Variants in CNTN4 observed in about 807,000 individuals in gnomAD.
The protein encoded by CNTN4 is contactin 4, also known as contactin-4.
A neutral mutation model predicts 122.5 loss-of-function variants in CNTN4; 77 were observed. The ratio of observed to expected loss-of-function variants is 0.63; its 90% confidence interval spans 0.52 to 0.76. CNTN4 has a LOEUF of 0.76. CNTN4 is among the 30% of genes least tolerant of loss of function. CNTN4 has a pLI of 0.00. For synonymous variants in CNTN4, 512 were observed against 447.0 expected, an observed-to-expected ratio of 1.15 and a Z score of -1.83; for missense variants, 1,256 against 1,259.1, an observed-to-expected ratio of 1.00 and a Z score of 0.04.
intron 6 of CNTN4, among the ~76,000 whole-genome samples, chr3:2,803,189 C>A (rs943244971): frequency 6.6e-6 from 1 of 152,038 alleles, no homozygotes; most frequent in African/African-American, 2.4e-5. Flanking sequence ...ATATGAAAAA[C>A]CAACTTTATT....
intron 6 of CNTN4, among the ~76,000 whole-genome samples, chr3:2,802,578 A>G (rs1234989267): frequency 6.6e-6 from 1 of 152,222 alleles, no homozygotes; most frequent in Non-Finnish European, 1.5e-5. Context: ...ATTATGTATT[A>G]AATACCATGT....
chr3:2,898,694 A>G (rs1323006567), intron 10 of CNTN4, among the ~76,000 whole-genome samples: 1 of 152,200 alleles, frequency 6.6e-6, no homozygotes, highest in Non-Finnish European at 1.5e-5. Flanking sequence ...CTTCAACTTG[A>G]CATTGCTTCA....
At chr3:2,482,619 G>T (rs2151596333) in intron 3 of CNTN4, among the ~76,000 whole-genome samples, 1 of 152,236 alleles carries the variant, frequency 6.6e-6, no homozygotes, top group African/African-American at 2.4e-5. Context: ...CCTTGAATGG[G>T]CCCAGGGAAC....
Position 2,515,153 on chromosome 3 carries a change from T to C in CNTN4, c.-88-56263T>C, listed in dbSNP as rs1043303812. Among the ~76,000 whole-genome samples the C allele has an allele frequency of 1.6e-4, 24 of 152,176 alleles. 1 individual carries two copies. The highest frequency in any genetic ancestry group is 2.6e-4 in the Admixed American group (4 of 15,266). On this transcript the variant is annotated intron_variant, in intron 3 of 24. Transcript: ENST00000418658. ...TTGAAGTATCAATGACTTACTGATA[T>C]ACTGCTCTGTTATATATTAGAATTA...
chr3:2,495,717 G>A (rs978681549), intron 3 of CNTN4, among the ~76,000 whole-genome samples: 1 of 152,170 alleles, frequency 6.6e-6, no homozygotes. Context: ...ACTAATGCCT[G>A]ATGACCTGAG....
At chr3:2,932,270 C>T (rs906357747) in intron 13 of CNTN4, among the ~76,000 whole-genome samples, 13 of 151,940 alleles carry the variant, frequency 8.6e-5, no homozygotes, top group African/African-American at 2.4e-4. Context: ...CCCAGCTACT[C>T]GGGAGGCTGA....
At chr3:2,219,564 G>A (rs11713458) in intron 2 of CNTN4, among the ~76,000 whole-genome samples, 3,090 of 152,188 alleles carry the variant, frequency 0.02, 37 homozygotes, top group Middle Eastern at 0.034. Flanking sequence ...CTCTCCTAGA[G>A]TTTTGGTGTT....
intron 3 of CNTN4, among the ~76,000 whole-genome samples, chr3:2,371,169 A>G (rs951366933): frequency 6.6e-6 from 1 of 152,166 alleles, no homozygotes; most frequent in Non-Finnish European, 1.5e-5. Flanking sequence ...AACATAGTTC[A>G]TCAAGCCAGC....
chr3:2,563,410 T>A (rs2079036230), intron 3 of CNTN4, among the ~76,000 whole-genome samples: 1 of 152,216 alleles, frequency 6.6e-6, no homozygotes, highest in Non-Finnish European at 1.5e-5. Flanking sequence ...AAGGTTTTTT[T>A]AAAGATTATA....
intron 4 of CNTN4, among the ~76,000 whole-genome samples, chr3:2,673,473 G>T (rs1485559988): frequency 6.6e-6 from 1 of 152,110 alleles, no homozygotes; most frequent in South Asian, 2.1e-4. Context: ...CCTTAGTCTG[G>T]GCTGGGCTTG....
chr3:2,992,214 C>A (rs1452431712), intron 14 of CNTN4, among the ~76,000 whole-genome samples: 1 of 152,156 alleles, frequency 6.6e-6, no homozygotes, highest in Non-Finnish European at 1.5e-5. Context: ...TGAGCAGGCT[C>A]CCAAACTGCA....
Position 2,870,040 on chromosome 3 carries a change from T to G in CNTN4, c.652+3091T>G, listed in dbSNP as rs867344984. On this transcript the variant is annotated intron_variant, in intron 8 of 24. Coordinates refer to ENST00000418658, the MANE Select transcript of CNTN4 (RefSeq NM_175607.3). ...GTATTATCTGTTTTGGTCTATCAAGTCATGGATGTAATTACATATTGACTT... is the reference window on the plus strand; with the variant it reads ...GTATTATCTGTTTTGGTCTATCAAGGCATGGATGTAATTACATATTGACTT... Among the ~76,000 whole-genome samples, 6 of 152,294 alleles carry G rather than the reference T, an allele frequency of 3.9e-5. No homozygotes were observed. In the South Asian group the frequency reaches 1.2e-3, roughly 32 times the overall value.
intron 4 of CNTN4, among the ~76,000 whole-genome samples, chr3:2,684,979 G>A (rs2085356793): frequency 6.6e-6 from 1 of 152,188 alleles, no homozygotes; most frequent in Non-Finnish European, 1.5e-5. Flanking sequence ...CTGAACTTGT[G>A]AAACGTAAAG....
At chr3:2,188,703 A>G (rs560890615) in intron 2 of CNTN4, among the ~76,000 whole-genome samples, 1 of 152,304 alleles carries the variant, frequency 6.6e-6, no homozygotes, top group South Asian at 2.1e-4. Flanking sequence ...TAATTAGGGC[A>G]AAGTTGCAGG....
intron 12 of CNTN4, among the ~76,000 whole-genome samples, chr3:2,915,377 C>A (rs1189715480): frequency 6.6e-6 from 1 of 152,144 alleles, no homozygotes; most frequent in Admixed American, 6.5e-5. Flanking sequence ...AATTCAATAC[C>A]TTTTCATGAC....
chr3:2,426,282 T>C (rs1479852573), intron 3 of CNTN4, among the ~76,000 whole-genome samples: 2 of 152,218 alleles, frequency 1.3e-5, no homozygotes, highest in Non-Finnish European at 2.9e-5. Flanking sequence ...CATGAACGGC[T>C]GTTGAATTTT....
intron 4 of CNTN4, among the ~76,000 whole-genome samples, chr3:2,729,400 C>A (rs1011899394): frequency 6.7e-6 from 1 of 149,520 alleles, no homozygotes; most frequent in Non-Finnish European, 1.5e-5. Flanking sequence ...AAAAAATTAG[C>A]CGGGCGTGGT....
intron 2 of CNTN4, among the ~76,000 whole-genome samples, chr3:2,130,938 G>A (rs1227331357): frequency 6.6e-6 from 1 of 152,136 alleles, no homozygotes; most frequent in Non-Finnish European, 1.5e-5. Context: ...ATCATAAAGA[G>A]CATCTTTTTC....
intron 23 of CNTN4, 49 bp from the exon 24 acceptor site, chr3:3,053,758 G>A (rs1187493011): frequency 6.3e-7 from 1 of 1,590,022 alleles, no homozygotes; most frequent in African/African-American, 1.3e-5. Context: ...TCCATATTTG[G>A]GACCTTTGTG....
Sources: gnomAD v4.1 joint callset for allele counts (sites outside exome capture counted in the v4.1 genomes callset) on GRCh38, gnomAD v4.1.1 for gene constraint, MANE v1.5 for transcripts, NCBI Gene and HGNC (gene_info 2026-07-23, HGNC 2026-07-21) for gene names.